The following MYOM2 variants were observed in gnomAD, a reference collection of about 807,000 sequenced individuals.
The protein encoded by MYOM2 is myomesin 2.
A neutral mutation model predicts 187.6 loss-of-function variants in MYOM2; 254 were observed. That is an observed-to-expected ratio of 1.35 (90% CI 1.22 to 1.50). The LOEUF is 1.50. Among genes scored for constraint, MYOM2 ranks in the 40% most tolerant of loss-of-function variants. MYOM2 has a pLI of 0.00. For missense variants in MYOM2, 2,796 were observed against 1,924.0 expected (o/e 1.45, Z -8.48); for synonymous variants, 981 against 753.8 (o/e 1.30, Z -4.94).
At chr8:2,095,437 A>T (rs146385221) in intron 17 of MYOM2, among the ~76,000 whole-genome samples, 1 of 151,912 alleles carries the variant, frequency 6.6e-6, no homozygotes, top group African/African-American at 2.4e-5. Context: ...GACCACAGGC[A>T]CCACCACCAC....
At chr8:2,102,550 C>T in intron 20 of MYOM2, 117 bp from the exon 21 acceptor site, 2 of 613,310 alleles carry the variant, frequency 3.3e-6, no homozygotes, top group Non-Finnish European at 5.7e-6. Flanking sequence ...GTATCATTTT[C>T]CTAACTGGAA....
chr8:2,144,299 A>G (rs962388045), intron 36 of MYOM2, among the ~76,000 whole-genome samples: 6 of 152,260 alleles, frequency 3.9e-5, no homozygotes, highest in African/African-American at 9.6e-5. Context: ...AGAGGGATCC[A>G]TAACTCTAAA....
chr8:2,126,571 C>G (rs920876055), intron 31 of MYOM2, among the ~76,000 whole-genome samples: 2 of 152,142 alleles, frequency 1.3e-5, no homozygotes, highest in African/African-American at 2.4e-5. Flanking sequence ...TGTAGACTCA[C>G]ACACTGATGC....
intron 32 of MYOM2, among the ~76,000 whole-genome samples, chr8:2,135,465 C>G (rs1380429723): frequency 6.6e-6 from 1 of 152,142 alleles, no homozygotes; most frequent in Non-Finnish European, 1.5e-5. Flanking sequence ...TTGTAAGAGT[C>G]TGAGCTACAG....
rs1415370350 is a variant in MYOM2 at position 2,085,410 on chromosome 8, C to CCCCA, written c.1644+21_1644+22insCCAC. 14 of 1,599,578 alleles carry CCCCA rather than the reference C, an allele frequency of 8.8e-6. No homozygotes were observed. The Admixed American group carries it at 1.5e-4, about 17-fold the overall frequency. On this transcript the variant is annotated intron_variant, in intron 14 of 36. Transcript: ENST00000262113. ...GAGAAGGTAAACTCCGGGCCCGTGT[C>CCCCA]CTGGAAAAGTAGATCTCTGCATGGC... is the stretch of plus-strand genomic sequence containing the variant.
At chr8:2,121,691 G>A (rs10091512) in intron 28 of MYOM2, among the ~76,000 whole-genome samples, 92,902 of 152,150 alleles carry the variant, frequency 0.61, 28,487 homozygotes, top group East Asian at 0.75. Flanking sequence ...CAGTCACATT[G>A]TAACTTCAGA....
intron 18 of MYOM2, chr8:2,097,262 A>T (rs1226945196): frequency 4.0e-6 from 1 of 247,082 alleles, no homozygotes; most frequent in African/African-American, 2.3e-5. Flanking sequence ...GCAACTTTCT[A>T]GTTTGCTGTG....
rs553389466 is a variant in MYOM2, at chr8:2,099,054, G to A, written c.2440+71G>A. The A allele has an allele frequency of 1.6e-4, 236 of 1,479,606 alleles. 4 individuals are homozygous for A. The South Asian group carries it at 2.9e-3, about 18-fold the overall frequency. The allele number at this position is 1,479,606 out of a possible 1,614,324, so 91.7% of individuals were successfully genotyped here. A position where few individuals can be genotyped will look rare whatever the true frequency, so the allele number is the denominator to read the frequency against. The stretch of plus-strand genomic sequence containing the variant: ...GCTGGGAAGGGGCCTCTGTGGCTGC[G>A]ACTCTGGACTCGCCAGCCTTCACAG... On this transcript the variant is annotated intron_variant, in intron 19 of 36. Coordinates refer to ENST00000262113, the MANE Select transcript of MYOM2 (RefSeq NM_003970.4).
At chr8:2,110,910 T>G (rs1797048762) in intron 25 of MYOM2, among the ~76,000 whole-genome samples, 2 of 152,328 alleles carry the variant, frequency 1.3e-5, no homozygotes, top group Non-Finnish European at 2.9e-5. Flanking sequence ...TGACACACTT[T>G]AAGACTCACT....
chr8:2,117,323 G>A (rs1797282584), intron 27 of MYOM2, among the ~76,000 whole-genome samples: 1 of 152,134 alleles, frequency 6.6e-6, no homozygotes, highest in Admixed American at 6.5e-5. Flanking sequence ...AAGGGTATTA[G>A]TGTATGACTT....
chr8:2,070,142 C>T (rs921294358), intron 8 of MYOM2, among the ~76,000 whole-genome samples: 2 of 152,170 alleles, frequency 1.3e-5, no homozygotes, highest in Admixed American at 1.3e-4. Flanking sequence ...CCCATGAGGG[C>T]ATCTGGAGGA....
intron 11 of MYOM2, 36 bp from the exon 12 acceptor site, chr8:2,078,698 G>A: frequency 6.2e-7 from 1 of 1,603,254 alleles, no homozygotes; most frequent in East Asian, 2.2e-5. Flanking sequence ...TGCCACATTT[G>A]CTATTCTCTG....
rs367658424 is a variant in MYOM2, at chr8:2,093,974, G to T, written c.2008G>T (p.Val670Leu). 5 of 1,613,978 alleles carry T rather than the reference G, an allele frequency of 3.1e-6. No individual in the cohort carries two copies. The highest frequency in any genetic ancestry group is 3.4e-6 in the Non-Finnish European group (4 of 1,180,032). ...NHKPIGYNRF[V>L]VHGLTTGEQY... is the part of the protein sequence containing the mutation. Reference sequence around the variant, plus strand: ...CCTGATCCCTGTGTTTCTCAGGTTCGTGGTGCACGGCTTAACCACGGGAGA... The same window carrying T: ...CCTGATCCCTGTGTTTCTCAGGTTCTTGGTGCACGGCTTAACCACGGGAGA... Residue 670 changes from valine (V) to leucine (L), a missense_variant, in exon 17 of 37, where the codon GTG becomes TTG. Coordinates refer to ENST00000262113, the MANE Select transcript of MYOM2 (RefSeq NM_003970.4).
intron 28 of MYOM2, among the ~76,000 whole-genome samples, chr8:2,118,679 A>G (rs1797326866): frequency 6.6e-6 from 1 of 152,190 alleles, no homozygotes; most frequent in Non-Finnish European, 1.5e-5. Context: ...GCACTTAAAA[A>G]TAAAAACAAT....
chr8:2,078,888 G>A lies in MYOM2; in HGVS notation c.1417G>A (p.Asp473Asn). Residue 473 changes from aspartate (D) to asparagine (N), a missense_variant, in exon 12 of 37, where the codon GAT (aspartate) becomes AAT (asparagine). By Grantham distance (23) the Asp-to-Asn change is conservative. Transcript: ENST00000262113. ...CATCAGCCGACCCTCCAGGGTCTCT[G>A]ATGCGGTGGCTGCACTTGACCCCTT... is the stretch of plus-strand genomic sequence containing the variant. ...AGISRPSRVS[D>N]AVAALDPLDL... 1 of 1,614,036 alleles carries A rather than the reference G, an allele frequency of 6.2e-7. No homozygotes were observed. Among genetic ancestry groups the A allele is most frequent in the African/African-American group, 1.3e-5 (1 of 75,050 alleles).
At chr8:2,092,956 C>G (rs929537287) in intron 16 of MYOM2, among the ~76,000 whole-genome samples, 1 of 152,162 alleles carries the variant, frequency 6.6e-6, no homozygotes, top group Non-Finnish European at 1.5e-5. Flanking sequence ...GCCGACTCTT[C>G]GCTTGTGGTG....
At chr8:2,137,412 C>G (rs762895851) in intron 32 of MYOM2, among the ~76,000 whole-genome samples, 1 of 151,980 alleles carries the variant, frequency 6.6e-6, no homozygotes, top group Non-Finnish European at 1.5e-5. Flanking sequence ...CACAAATCCC[C>G]AAGCAGTATC....
At position 2,130,547 on chromosome 8, in the gene MYOM2, G is replaced by A. The variant is rs1177332087; in HGVS notation, c.3800+1315G>A. Among the ~76,000 whole-genome samples the A allele has an allele frequency of 2.0e-5, 3 of 152,224 alleles. No individual in the cohort carries two copies. The East Asian group carries it at 5.8e-4, about 29-fold the overall frequency. On this transcript the variant is annotated intron_variant, in intron 32 of 36. Coordinates refer to ENST00000262113, the MANE Select transcript of MYOM2 (RefSeq NM_003970.4). Reference sequence around the variant, plus strand: ...ATATCACTGGTTTGCTTAGGTGACTGTAAGTAAATTGAAGAGTTGAAAGCA... The same window carrying A: ...ATATCACTGGTTTGCTTAGGTGACTATAAGTAAATTGAAGAGTTGAAAGCA...
intron 13 of MYOM2, among the ~76,000 whole-genome samples, chr8:2,083,973 C>T (rs1029195872): frequency 6.6e-6 from 1 of 152,378 alleles, no homozygotes; most frequent in South Asian, 2.1e-4. Context: ...ATGCTGCTGT[C>T]AGCGGCTCAC....
Sources: gnomAD v4.1 joint callset for allele counts (sites outside exome capture counted in the v4.1 genomes callset) on GRCh38, gnomAD v4.1.1 for gene constraint, MANE v1.5 for transcripts, NCBI Gene and HGNC (gene_info 2026-07-23, HGNC 2026-07-21) for gene names.